The following PISD variants were observed in gnomAD, a reference collection of about 807,000 sequenced individuals.
PISD encodes phosphatidylserine decarboxylase, also known as phosphatidylserine decarboxylase proenzyme, mitochondrial.
Under a neutral mutation model 43.5 loss-of-function variants are expected in PISD, and 31 were observed. That is an observed-to-expected ratio of 0.71 (90% CI 0.54 to 0.96). The LOEUF (loss-of-function observed/expected upper bound fraction) is 0.96. Among genes scored for constraint, PISD ranks in the 40% least tolerant of loss-of-function variants. The pLI is 0.00. For missense variants in PISD, 523 were observed against 548.4 expected, an observed-to-expected ratio of 0.95 and a Z score of 0.46; for synonymous variants, 259 against 228.7, an observed-to-expected ratio of 1.13 and a Z score of -1.20.
intron 3 of PISD, chr22:31,638,747 A>G (rs890132067): frequency 5.9e-6 from 2 of 341,718 alleles, no homozygotes; most frequent in Non-Finnish European, 8.3e-6. Context: ...TCAGCCTCTC[A>G]GGCAGCTGGG....
intron 1 of PISD, among the ~76,000 whole-genome samples, chr22:31,654,254 C>T (rs907415669): frequency 2.6e-5 from 4 of 152,284 alleles, no homozygotes; most frequent in South Asian, 2.1e-4. Context: ...CTTTTGGGAC[C>T]GTGATTTTTT....
chr22:31,634,364 T>C (rs2073333478), intron 3 of PISD, among the ~76,000 whole-genome samples: 1 of 152,202 alleles, frequency 6.6e-6, no homozygotes, highest in Non-Finnish European at 1.5e-5. Context: ...GCTATTTCTC[T>C]ACACACCAGA....
intron 3 of PISD, among the ~76,000 whole-genome samples, chr22:31,647,731 C>T (rs2073923925): frequency 6.7e-6 from 1 of 148,504 alleles, no homozygotes; most frequent in South Asian, 2.2e-4. Context: ...TTATTTCTGT[C>T]TGGTTCCTGG....
intron 3 of PISD, chr22:31,623,910 A>C (rs2072728321): frequency 6.7e-7 from 1 of 1,502,624 alleles, no homozygotes; most frequent in African/African-American, 1.4e-5. Context: ...AGGACCCAGG[A>C]GGCTGCCACC....
Position 31,623,724 on chromosome 22 carries a change from A to T in PISD, c.322-1839T>A, listed in dbSNP as rs2072712878. The T allele has an allele frequency of 5.6e-6, 9 of 1,613,956 alleles. No homozygotes were observed. The East Asian group carries it at 2.0e-4, about 36-fold the overall frequency. On this transcript the variant is annotated intron_variant, in intron 3 of 7. Transcript: ENST00000439502. ...CCATCCCACCCGGCTGAGCGGTCTG[A>T]GGGCGCCGAAGGGCAGGAGGTAGTA...
At chr22:31,637,164 A>AAATAT (rs1569487518) in intron 3 of PISD, among the ~76,000 whole-genome samples, 2 of 13,646 alleles carry the variant, frequency 1.5e-4, no homozygotes, top group African/African-American at 3.1e-4. Context: ...AAAAAAAAAA[A>AAATAT]ATATATATAT....
chr22:31,624,291 G>A lies in PISD; in HGVS notation c.322-2406C>T, dbSNP rs183301286. On this transcript the variant is annotated intron_variant, in intron 3 of 7. Transcript: ENST00000439502. ...CAGCCCAGGAGAGTGGGCCCCAGGG[G>A]CCAGCTCTGCCACACAGGCACTGGC... 4.3e-3 allele frequency among the ~76,000 whole-genome samples: 662 copies of A among 152,274 alleles called. 1 individual carries two copies. Among genetic ancestry groups the A allele is most frequent in the African/African-American group, 0.013 (558 of 41,548 alleles).
At chr22:31,627,666 G>T (rs1328752590) in intron 3 of PISD, among the ~76,000 whole-genome samples, 1 of 152,238 alleles carries the variant, frequency 6.6e-6, no homozygotes, top group Non-Finnish European at 1.5e-5. Context: ...AGAGAGGAGG[G>T]GCCTTGGGGA....
chr22:31,661,481 A>T (rs1569494867), intron 1 of PISD, among the ~76,000 whole-genome samples: 1 of 152,212 alleles, frequency 6.6e-6, no homozygotes, highest in Non-Finnish European at 1.5e-5. Flanking sequence ...TGAGAGAAAG[A>T]TCGTCGCGTG....
intron 3 of PISD, chr22:31,629,166 G>C (rs943653611): frequency 1.0e-6 from 1 of 985,188 alleles, no homozygotes; most frequent in Admixed American, 6.2e-5. Flanking sequence ...AACTGAAGTC[G>C]ATGAATGACC....
intron 3 of PISD, among the ~76,000 whole-genome samples, chr22:31,644,067 AAAAC>A (rs2073813749): frequency 1.3e-5 from 2 of 151,574 alleles, no homozygotes; most frequent in Admixed American, 6.6e-5. Context: ...AACAAAAACA[AAAAC>A]AAAAAACTGT....
chr22:31,655,843 G>A (rs773701029), intron 1 of PISD, among the ~76,000 whole-genome samples: 12 of 150,744 alleles, frequency 8.0e-5, no homozygotes, highest in Non-Finnish European at 1.6e-4. Flanking sequence ...CGCCATGTTG[G>A]CCAGGCTGGG....
chr22:31,635,239 C>A (rs893534831), intron 3 of PISD, among the ~76,000 whole-genome samples: 5 of 152,168 alleles, frequency 3.3e-5, no homozygotes, highest in African/African-American at 1.2e-4. Flanking sequence ...TGCAGGGCTG[C>A]AGGTATCTTG....
chr22:31,662,298 G>T, upstream of PISD: 1 of 1,342,772 alleles, frequency 7.4e-7, no homozygotes, highest in South Asian at 1.2e-5. Flanking sequence ...GTGGGCCAAT[G>T]AGAAAAGCGC....
chr22:31,654,432 T>A (rs1293960455), intron 1 of PISD, among the ~76,000 whole-genome samples: 4 of 152,128 alleles, frequency 2.6e-5, no homozygotes, highest in African/African-American at 9.7e-5. Context: ...TGATGACTCC[T>A]TCATTGCTCC....
chr22:31,649,550 G>A (rs988744814), intron 2 of PISD, among the ~76,000 whole-genome samples: 3 of 151,912 alleles, frequency 2.0e-5, no homozygotes, highest in Non-Finnish European at 2.9e-5. Flanking sequence ...TGGCTAACAC[G>A]GTGAAACCCC....
chr22:31,626,115 C>G (rs2080946130), intron 3 of PISD: 2 of 1,196,106 alleles, frequency 1.7e-6, no homozygotes, highest in African/African-American at 1.5e-5. Context: ...GCCCACTGTC[C>G]CCAGTCCTGG....
intron 1 of PISD, among the ~76,000 whole-genome samples, chr22:31,659,509 G>C (rs536785689): frequency 6.6e-6 from 1 of 152,176 alleles, no homozygotes; most frequent in African/African-American, 2.4e-5. Flanking sequence ...CTGAACCTAA[G>C]AATCACCTGT....
intron 3 of PISD, among the ~76,000 whole-genome samples, chr22:31,631,807 G>C (rs1057341672): frequency 6.6e-6 from 1 of 152,220 alleles, no homozygotes; most frequent in African/African-American, 2.4e-5. Flanking sequence ...AACTGAGCAC[G>C]CCCATTCCCT....
Sources: gnomAD v4.1 joint callset for allele counts (sites outside exome capture counted in the v4.1 genomes callset) on GRCh38, gnomAD v4.1.1 for gene constraint, MANE v1.5 for transcripts, NCBI Gene and HGNC (gene_info 2026-07-23, HGNC 2026-07-21) for gene names.